LAX1: variants seen among roughly 807,000 people sequenced by gnomAD.
LAX1 encodes lymphocyte transmembrane adapter 1.
Under a neutral mutation model 20.7 loss-of-function variants are expected in LAX1, and 17 were observed. The observed-to-expected ratio is 0.82, with a 90% CI of 0.56 to 1.23. The LOEUF is 1.23. LAX1 is among the 50% of genes most tolerant of loss of function. The pLI is 0.00. For missense variants in LAX1, 470 were observed against 487.0 expected (o/e 0.97, Z 0.33); for synonymous variants, 165 against 181.0 (o/e 0.91, Z 0.71).
chr1:203,766,330 C>T lies in LAX1; in HGVS notation c.89+676C>T, dbSNP rs532702519. ...TGAAACCCCGTTTCTACTAAAAATA[C>T]AAAAATTAGCCGGGAGTGGTAGCAT... On this transcript the variant is annotated intron_variant, in intron 1 of 4. Coordinates refer to ENST00000442561, the MANE Select transcript of LAX1 (RefSeq NM_017773.4). Among the ~76,000 whole-genome samples, 3 of 152,186 alleles carry T rather than the reference C, an allele frequency of 2.0e-5. No individual in the cohort carries two copies. In the South Asian group the frequency reaches 6.2e-4, roughly 32 times the overall value.
intron 4 of LAX1, among the ~76,000 whole-genome samples, chr1:203,772,617 G>A (rs1343243308): frequency 1.3e-5 from 2 of 152,098 alleles, no homozygotes; most frequent in South Asian, 2.1e-4. Context: ...TAGTAGAGAC[G>A]GGGTTTCACC....
In LAX1 at chr1:203,770,457, G is replaced by GAGAGAGAGAGAGA. The variant is rs55910139; in HGVS notation, c.90-371_90-370insAGAGAGAGAGAGA. Among the ~76,000 whole-genome samples, 15 of 28,950 alleles carry GAGAGAGAGAGAGA rather than the reference G, an allele frequency of 5.2e-4. 2 individuals carry two copies. Among genetic ancestry groups the GAGAGAGAGAGAGA allele is most frequent in the East Asian group, 8.8e-4 (1 of 1,138 alleles). The allele number at this position is 28,950 out of a possible 152,430, so 19.0% of individuals were successfully genotyped here. Reference sequence around the variant, plus strand: ...AAAGAGAGAGAGAGAGAGAGAGAAAGGAAGGAAGGAAGGAAGGAAGGAAGG... The same window carrying GAGAGAGAGAGAGA: ...AAAGAGAGAGAGAGAGAGAGAGAAAGAGAGAGAGAGAGAGAAGGAAGGAAGGAAGGAAGGAAGG... On this transcript the variant is annotated intron_variant, in intron 1 of 4. Coordinates refer to ENST00000442561, the MANE Select transcript of LAX1 (RefSeq NM_017773.4).
chr1:203,773,476 C>T (rs1667453790), intron 4 of LAX1, among the ~76,000 whole-genome samples: 1 of 151,916 alleles, frequency 6.6e-6, no homozygotes, highest in East Asian at 1.9e-4. Context: ...TAAAAACAAA[C>T]TTATGATGTA....
intron 4 of LAX1, 91 bp from the exon 5 acceptor site, chr1:203,773,784 T>A: frequency 7.4e-6 from 1 of 134,616 alleles, no homozygotes; most frequent in Non-Finnish European, 1.5e-5. Flanking sequence ...TTTTTTTTTT[T>A]CAGAATATGC....
chr1:203,771,915 A>G (rs1290726336), intron 3 of LAX1, among the ~76,000 whole-genome samples, 153 bp from the exon 4 acceptor site: 1 of 152,174 alleles, frequency 6.6e-6, no homozygotes, highest in Non-Finnish European at 1.5e-5. Context: ...TGTCATCCCC[A>G]TAACTCTGAC....
At chr1:203,772,607 T>C (rs1667440136) in intron 4 of LAX1, among the ~76,000 whole-genome samples, 1 of 152,010 alleles carries the variant, frequency 6.6e-6, no homozygotes, top group Non-Finnish European at 1.5e-5. Context: ...TTTGTATTTT[T>C]AGTAGAGACG....
intron 4 of LAX1, 61 bp downstream of exon 4, chr1:203,772,208 G>A: frequency 7.8e-7 from 1 of 1,281,874 alleles, no homozygotes; most frequent in Non-Finnish European, 1.1e-6. Context: ...CGGGGAAAGA[G>A]TTATAGGGCT....
At chr1:203,765,764 G>A (rs574652050) in intron 1 of LAX1, 110 bp downstream of exon 1, 6 of 1,017,752 alleles carry the variant, frequency 5.9e-6, no homozygotes, top group Admixed American at 2.0e-5. Context: ...CAACACCCAG[G>A]CTCGGTCTAC....
chr1:203,765,764 G>C (rs574652050), intron 1 of LAX1, 110 bp downstream of exon 1: 13 of 1,017,752 alleles, frequency 1.3e-5, no homozygotes, highest in South Asian at 5.5e-5. Context: ...CAACACCCAG[G>C]CTCGGTCTAC....
chr1:203,776,131 A>C lies in LAX1; in HGVS notation c.*1450A>C, dbSNP rs1293341384. 6.6e-6 allele frequency: 1 copy of C among 152,216 alleles called. No individual in the cohort carries two copies. 9.4% of individuals were successfully genotyped at this position (152,216 alleles called of 1,614,324 possible). A position where few individuals can be genotyped will look rare whatever the true frequency, so the allele number is the denominator to read the frequency against. ...GGAGATCAAGACTGTCCTGGACAAC[A>C]TGGTGAAACCCTGTCTCTACTGTCT... On this transcript the variant is annotated 3_prime_UTR_variant, in exon 5 of 5. Coordinates refer to ENST00000442561, the MANE Select transcript of LAX1 (RefSeq NM_017773.4).
chr1:203,769,796 G>A (rs1667374075), intron 1 of LAX1: 2 of 142,892 alleles, frequency 1.4e-5, no homozygotes, highest in African/African-American at 2.6e-5. Flanking sequence ...GGCGGGGGGT[G>A]GGGGGTGTTA....
intron 4 of LAX1, among the ~76,000 whole-genome samples, chr1:203,772,425 T>TTTTTTTC (rs1461994134): frequency 6.6e-6 from 1 of 152,142 alleles, no homozygotes; most frequent in Non-Finnish European, 1.5e-5. Flanking sequence ...TTGGTATATT[T>TTTTTTTC]TTTTTTCTTT....
Position 203,765,341 on chromosome 1 carries a change from G to A in LAX1, c.-225G>A, listed in dbSNP as rs981822270. Reference sequence around the variant, plus strand: ...CACCTCACTTGGAAGCACCATGTCCGGATGAGATCGCACTTCCTGCAGTGG... The same window carrying A: ...CACCTCACTTGGAAGCACCATGTCCAGATGAGATCGCACTTCCTGCAGTGG... On this transcript the variant is annotated 5_prime_UTR_variant, in exon 1 of 5. Coordinates refer to ENST00000442561, the MANE Select transcript of LAX1 (RefSeq NM_017773.4). 12 of 1,551,488 alleles carry A rather than the reference G, an allele frequency of 7.7e-6. No individual in the cohort carries two copies. Among genetic ancestry groups the A allele is most frequent in the African/African-American group, 6.8e-5 (5 of 73,042 alleles).
chr1:203,765,763 G>A, intron 1 of LAX1, 109 bp downstream of exon 1: 3 of 1,021,408 alleles, frequency 2.9e-6, no homozygotes, highest in Non-Finnish European at 4.5e-6. Context: ...TCAACACCCA[G>A]GCTCGGTCTA....
intron 1 of LAX1, among the ~76,000 whole-genome samples, chr1:203,770,263 A>T (rs140020349): frequency 2.6e-5 from 4 of 151,548 alleles, no homozygotes; most frequent in African/African-American, 9.7e-5. Flanking sequence ...TAAAAATACA[A>T]AAATTAGCTG....
intron 1 of LAX1, among the ~76,000 whole-genome samples, chr1:203,768,280 C>T (rs1279576615): frequency 6.6e-6 from 1 of 152,076 alleles, no homozygotes; most frequent in African/African-American, 2.4e-5. Flanking sequence ...CATTGCGCTC[C>T]AGCCTGGGAA....
intron 1 of LAX1, among the ~76,000 whole-genome samples, chr1:203,767,966 T>C (rs1183564758): frequency 6.6e-6 from 1 of 152,084 alleles, no homozygotes; most frequent in Non-Finnish European, 1.5e-5. Flanking sequence ...CTCAAAATTT[T>C]TTTTTTTTAA....
chr1:203,770,367 G>T (rs1667382727), intron 1 of LAX1, among the ~76,000 whole-genome samples: 1 of 126,492 alleles, frequency 7.9e-6, no homozygotes, highest in African/African-American at 2.7e-5. Flanking sequence ...AGCGAGCTGA[G>T]ATTGTGCCAC....
At position 203,770,433 on chromosome 1, in the gene LAX1, A is replaced by AAGAGAG. The variant is rs72071580; in HGVS notation, c.90-379_90-374dup. On this transcript the variant is annotated intron_variant, in intron 1 of 4. Transcript: ENST00000442561. The stretch of plus-strand genomic sequence containing the variant: ...TCCATCAAAAAGAAAGAAAGAAAGA[A>AAGAGAG]AGAGAGAGAGAGAGAGAGAGAAAGG... Among the ~76,000 whole-genome samples, 32 of 44,926 alleles carry AAGAGAG rather than the reference A, an allele frequency of 7.1e-4. 5 individuals carry two copies. In the East Asian group the frequency reaches 0.031, roughly 43 times the overall value. The allele number at this position is 44,926 out of a possible 152,430, so 29.5% of individuals were successfully genotyped here.
Sources: allele counts gnomAD v4.1 joint callset (sites outside exome capture counted in the v4.1 genomes callset), GRCh38; gene constraint gnomAD v4.1.1; transcripts MANE v1.5; gene names NCBI Gene and HGNC (gene_info 2026-07-23, HGNC 2026-07-21).